The following MCOLN2 variants were observed in gnomAD, a reference collection of about 807,000 sequenced individuals.
MCOLN2 encodes mucolipin-2.
MCOLN2 carries 57 observed loss-of-function variants against 67.5 expected under a neutral mutation model. The ratio of observed to expected loss-of-function variants is 0.84; its 90% confidence interval spans 0.68 to 1.05. MCOLN2 has a LOEUF of 1.05. Ranked by LOEUF, MCOLN2 falls within the 50% of genes least tolerant of loss-of-function variation. MCOLN2 has a pLI of 0.00. For synonymous variants in MCOLN2, 246 were observed against 233.3 expected (o/e 1.05, Z -0.50); for missense variants, 620 against 678.8 (o/e 0.91, Z 0.96).
rs578190666 is a variant in MCOLN2 at position 84,994,415 on chromosome 1, T to C, written c.77+2381A>G. 6.6e-5 allele frequency among the ~76,000 whole-genome samples: 10 copies of C among 152,358 alleles called. No individual in the cohort carries two copies. In the South Asian group the frequency reaches 1.0e-3, roughly 16 times the overall value. ...CCAATAGAAGGCTGTTTTGTCTACA[T>C]TGAAAATCTGTTGTTTAGAGTAGCC... is the stretch of plus-strand genomic sequence containing the variant. On this transcript the variant is annotated intron_variant, in intron 1 of 13. Transcript: ENST00000370608.
At chr1:84,955,797 T>C (rs137903002) in intron 4 of MCOLN2, among the ~76,000 whole-genome samples, 142 of 152,206 alleles carry the variant, frequency 9.3e-4, no homozygotes, top group Non-Finnish European at 1.7e-3. Context: ...TACAGTATGA[T>C]ATGAAAACAT....
chr1:84,940,848 G>T, intron 8 of MCOLN2, 31 bp downstream of exon 8: 1 of 1,499,802 alleles, frequency 6.7e-7, no homozygotes, highest in Non-Finnish European at 9.2e-7. Context: ...CAGGCCAAGA[G>T]GGCAGGAAGA....
At chr1:84,974,725 T>G (rs1223961945) in intron 1 of MCOLN2, among the ~76,000 whole-genome samples, 1 of 151,938 alleles carries the variant, frequency 6.6e-6, no homozygotes, top group Non-Finnish European at 1.5e-5. Flanking sequence ...GAGCAACAAG[T>G]GGGCTCCTGG....
chr1:84,965,516 G>A, intron 2 of MCOLN2, 33 bp downstream of exon 2: 1 of 1,603,890 alleles, frequency 6.2e-7, no homozygotes, highest in Non-Finnish European at 8.5e-7. Context: ...TTGTGGTAAG[G>A]GAAAAACCAA....
At chr1:84,949,316 T>C (rs1396775418) in intron 6 of MCOLN2, among the ~76,000 whole-genome samples, 2 of 151,954 alleles carry the variant, frequency 1.3e-5, no homozygotes, top group African/African-American at 4.8e-5. Flanking sequence ...AATCAATCTG[T>C]CAAAAGTCAA....
In MCOLN2 at chr1:84,958,650, T is replaced by G. The variant is rs1208362590; in HGVS notation, c.290A>C (p.Asn97Thr). Residue 97 changes from asparagine (N) to threonine (T), a missense_variant, in exon 3 of 14, where the codon AAC (asparagine) becomes ACC (threonine). By Grantham distance (65) the Asn-to-Thr change is moderately conservative (BLOSUM62 0). Coordinates refer to ENST00000370608, the MANE Select transcript of MCOLN2 (RefSeq NM_153259.4). ...NQLVVAFKED[N>T]TVAFKHLFLK... is the part of the protein sequence containing the mutation. ...AAACAAGTGCTTAAAAGCAACAGTGTTATCTTCTTTGAAAGCAACCACCAG... is the reference window on the plus strand; with the variant it reads ...AAACAAGTGCTTAAAAGCAACAGTGGTATCTTCTTTGAAAGCAACCACCAG... 6.2e-7 allele frequency: 1 copy of G among 1,601,680 alleles called. No homozygotes were observed. Among genetic ancestry groups the G allele is most frequent in the Non-Finnish European group, 8.5e-7 (1 of 1,177,070 alleles).
In MCOLN2 at chr1:84,965,617, G is replaced by A. The variant is rs780345441; in HGVS notation, c.169C>T (p.Arg57Ter). 21 of 1,613,846 alleles carry A rather than the reference G, an allele frequency of 1.3e-5. No homozygotes were observed. The highest frequency in any genetic ancestry group is 1.1e-4 in the South Asian group (10 of 91,076). ...FYFMSPCEKY[R>*]ARRQIPWKLG... ...TTCCACGGAATCTGGCGTCTGGCTCGGTATTTTTCACAAGGGCTCATGAAG... is the reference window on the plus strand; with the variant it reads ...TTCCACGGAATCTGGCGTCTGGCTCAGTATTTTTCACAAGGGCTCATGAAG... Residue 57 changes from arginine (R) to a stop codon, truncating the protein, a stop_gained, in exon 2 of 14, where the codon CGA (arginine) becomes TGA (stop). Transcript: ENST00000370608. LOFTEE classifies it high-confidence loss of function.
rs625491 is a variant in MCOLN2 at position 84,931,038 on chromosome 1, T to G, written c.1542+324A>C. Reference sequence around the variant, plus strand: ...GGTCACCTCTCATCCCTGAAACTTATGACTCAATCCTAAGTTCCAGGCAGC... The same window carrying G: ...GGTCACCTCTCATCCCTGAAACTTAGGACTCAATCCTAAGTTCCAGGCAGC... On this transcript the variant is annotated intron_variant, in intron 12 of 13. Coordinates refer to ENST00000370608, the MANE Select transcript of MCOLN2 (RefSeq NM_153259.4). 3.9e-3 allele frequency among the ~76,000 whole-genome samples: 596 copies of G among 152,280 alleles called. 8 individuals carry two copies. Among genetic ancestry groups the G allele is most frequent in the African/African-American group, 0.014 (564 of 41,544 alleles).
At position 84,928,780 on chromosome 1, in the gene MCOLN2, A is replaced by G. The variant is rs192139360; in HGVS notation, c.1664+778T>C. Reference sequence around the variant, plus strand: ...CAGTCATATCATTGTAAGTCCCAAGATGCTGTATGAATTGATTAACAGAAA... The same window carrying G: ...CAGTCATATCATTGTAAGTCCCAAGGTGCTGTATGAATTGATTAACAGAAA... On this transcript the variant is annotated intron_variant, in intron 13 of 13. Transcript: ENST00000370608. Among the ~76,000 whole-genome samples the G allele has an allele frequency of 2.8e-3, 420 of 152,304 alleles. 3 individuals carry two copies. The highest frequency in any genetic ancestry group is 0.014 in the South Asian group (69 of 4,822).
intron 1 of MCOLN2, among the ~76,000 whole-genome samples, chr1:84,980,176 C>A (rs1297483497): frequency 2.0e-5 from 3 of 151,934 alleles, no homozygotes; most frequent in Non-Finnish European, 4.4e-5. Context: ...GAAGAGGACA[C>A]CAAAAATGGA....
intron 7 of MCOLN2, among the ~76,000 whole-genome samples, chr1:84,944,518 C>T (rs925502927): frequency 7.3e-5 from 11 of 151,576 alleles, no homozygotes; most frequent in East Asian, 1.9e-4. Context: ...GGAGACAGAG[C>T]GAGACTCTGT....
In MCOLN2 at chr1:84,987,414, A is replaced by G. The variant is rs566011245; in HGVS notation, c.77+9382T>C. Among the ~76,000 whole-genome samples, 9 of 138,782 alleles carry G rather than the reference A, an allele frequency of 6.5e-5. 1 individual carries two copies. The highest frequency in any genetic ancestry group is 2.1e-4 in the African/African-American group (8 of 38,240). The allele number at this position is 138,782 out of a possible 152,430, so 91.0% of individuals were successfully genotyped here. A position where few individuals can be genotyped will look rare whatever the true frequency, so the allele number is the denominator to read the frequency against. Reference sequence around the variant, plus strand: ...CATATGTATATAGATATATTTATATATGTATATACCTATATACGTATATAG... The same window carrying G: ...CATATGTATATAGATATATTTATATGTGTATATACCTATATACGTATATAG... On this transcript the variant is annotated intron_variant, in intron 1 of 13. Transcript: ENST00000370608.
chr1:84,945,653 C>A (rs905746520), intron 7 of MCOLN2, among the ~76,000 whole-genome samples: 1 of 152,224 alleles, frequency 6.6e-6, no homozygotes, highest in African/African-American at 2.4e-5. Context: ...AAACACTGAG[C>A]ATCCATCATT....
At chr1:84,995,478 C>T (rs1018737983) in intron 1 of MCOLN2, among the ~76,000 whole-genome samples, 2 of 152,218 alleles carry the variant, frequency 1.3e-5, no homozygotes, top group African/African-American at 2.4e-5. Context: ...AGAACTGACA[C>T]ACGGAACTTA....
At chr1:84,949,588 C>A (rs900727330) in intron 6 of MCOLN2, among the ~76,000 whole-genome samples, 1 of 152,024 alleles carries the variant, frequency 6.6e-6, no homozygotes, top group Non-Finnish European at 1.5e-5. Flanking sequence ...TTGCAGTGAG[C>A]GGAGATTGTG....
chr1:84,949,786 G>GA (rs571795541), intron 6 of MCOLN2, among the ~76,000 whole-genome samples: 1,510 of 143,848 alleles, frequency 0.01, 21 homozygotes, highest in African/African-American at 0.032. Flanking sequence ...AGGGTTTAAA[G>GA]AAAAAAAAAA....
At chr1:84,956,284 T>TC in intron 4 of MCOLN2, 147 bp downstream of exon 4, 1 of 685,824 alleles carries the variant, frequency 1.5e-6, no homozygotes, top group Non-Finnish European at 2.4e-6. Context: ...CCAAAGCCCC[T>TC]CTGCAGGCCA....
intron 1 of MCOLN2, among the ~76,000 whole-genome samples, chr1:84,989,844 C>A (rs1007463928): frequency 2.0e-4 from 31 of 152,124 alleles, no homozygotes; most frequent in African/African-American, 7.0e-4. Context: ...GGCAATGAAT[C>A]TGAACAAGCC....
chr1:84,976,112 A>G (rs1353858471), intron 1 of MCOLN2, among the ~76,000 whole-genome samples: 1 of 152,138 alleles, frequency 6.6e-6, no homozygotes, highest in East Asian at 1.9e-4. Flanking sequence ...CAGGAGTAGA[A>G]AGTTATTCAA....
Sources: gnomAD v4.1 joint callset for allele counts (sites outside exome capture counted in the v4.1 genomes callset) on GRCh38, gnomAD v4.1.1 for gene constraint, MANE v1.5 for transcripts, NCBI Gene and HGNC (gene_info 2026-07-23, HGNC 2026-07-21) for gene names.